Variants in TRMO observed in about 807,000 individuals in gnomAD.
TRMO encodes tRNA (adenine(37)-N6)-methyltransferase.
In TRMO, 30 loss-of-function variants were observed where a neutral mutation model predicts 37.2. That is an observed-to-expected ratio of 0.81 (90% CI 0.60 to 1.09). The LOEUF (loss-of-function observed/expected upper bound fraction) is 1.09. TRMO is among the 50% of genes least tolerant of loss of function. The pLI is 0.00. For synonymous variants in TRMO, 239 were observed against 199.4 expected (o/e 1.20, Z -1.67); for missense variants, 552 against 549.5 (o/e 1.00, Z -0.05).
intron 1 of TRMO, among the ~76,000 whole-genome samples, chr9:97,917,723 G>C (rs1826435628): frequency 6.6e-6 from 1 of 152,024 alleles, no homozygotes; most frequent in African/African-American, 2.4e-5. Context: ...CTGTTGCCCA[G>C]ACTGGAGTGC....
At chr9:97,901,904 A>G (rs975684100), downstream of TRMO, among the ~76,000 whole-genome samples, 4 of 152,198 alleles carry the variant, frequency 2.6e-5, no homozygotes, top group Non-Finnish European at 4.4e-5. Flanking sequence ...CTCACAAAGG[A>G]CACTTGAAGT....
At chr9:97,900,461 T>C (rs1204070304), downstream of TRMO, among the ~76,000 whole-genome samples, 3 of 152,240 alleles carry the variant, frequency 2.0e-5, no homozygotes, top group African/African-American at 7.2e-5. Context: ...CTTATTCCCC[T>C]GTGCATTCTT....
downstream of TRMO, among the ~76,000 whole-genome samples, chr9:97,903,872 T>C (rs1042647651): frequency 1.3e-5 from 2 of 152,106 alleles, no homozygotes; most frequent in Non-Finnish European, 2.9e-5. Context: ...GGTGGGTGGA[T>C]CACGAGGTCA....
intron 1 of TRMO, among the ~76,000 whole-genome samples, chr9:97,920,254 T>C (rs1363721930): frequency 6.6e-6 from 1 of 152,174 alleles, no homozygotes; most frequent in Non-Finnish European, 1.5e-5. Context: ...AAATCAACAA[T>C]TCTAGCTAGG....
downstream of TRMO, among the ~76,000 whole-genome samples, chr9:97,902,665 C>G (rs1466791659): frequency 6.6e-6 from 1 of 152,122 alleles, no homozygotes; most frequent in Non-Finnish European, 1.5e-5. Context: ...ATTTAATAGT[C>G]CTCTTGTTAT....
At chr9:97,916,959 C>T (rs950201585) in intron 1 of TRMO, among the ~76,000 whole-genome samples, 1 of 151,724 alleles carries the variant, frequency 6.6e-6, no homozygotes, top group African/African-American at 2.4e-5. Context: ...CCACCTTGAC[C>T]TCCCAAAGTG....
intron 1 of TRMO, 89 bp downstream of exon 1, chr9:97,922,329 T>C: frequency 2.4e-6 from 2 of 850,028 alleles, no homozygotes; most frequent in South Asian, 3.0e-5. Flanking sequence ...CAGTTCCAGA[T>C]CGTGCGTTTT....
At chr9:97,921,357 A>C (rs1393454659) in intron 1 of TRMO, among the ~76,000 whole-genome samples, 1 of 152,154 alleles carries the variant, frequency 6.6e-6, no homozygotes, top group Non-Finnish European at 1.5e-5. Flanking sequence ...GGAGTTTGAG[A>C]CCAGCCTGGG....
In TRMO at chr9:97,910,087, A is replaced by C. The variant is rs1250559931; in HGVS notation, c.939T>G (p.Pro313=). 1 of 1,614,010 alleles carries C rather than the reference A, an allele frequency of 6.2e-7. No homozygotes were observed. Among genetic ancestry groups the C allele is most frequent in the South Asian group, 1.1e-5 (1 of 91,082 alleles). Residue 313 remains proline (P), a synonymous_variant, in exon 4 of 5, where the codon CCT becomes CCG. Transcript: ENST00000375119. ...AETQPMAPHC[P]AGRADGAPRS... ...GGGGAGCTCCATCAGCCCTTCCAGC[A>C]GGGCAGTGAGGGGCCATGGGCTGTG...
downstream of TRMO, among the ~76,000 whole-genome samples, chr9:97,902,251 AG>A (rs1456805805): frequency 1.3e-5 from 2 of 152,364 alleles, no homozygotes; most frequent in Non-Finnish European, 2.9e-5. Flanking sequence ...GAAGAGACTC[AG>A]GAACTGGCAG....
At chr9:97,919,362 GAAAA>G (rs1031619832) in intron 1 of TRMO, among the ~76,000 whole-genome samples, 1 of 76,552 alleles carries the variant, frequency 1.3e-5, no homozygotes, top group Admixed American at 1.3e-4. Flanking sequence ...ACAAAGAGAA[GAAAA>G]AAAAAAGAAA....
chr9:97,904,864 A>T lies in TRMO; in HGVS notation c.1195T>A (p.Phe399Ile). ...RKLCQDRLFY[F>I]TVDIAHVTCW... ...GTGACATGCGCTATGTCTACAGTAA[A>T]GTAGAAAAGGCGGTCCTGGCAAAGC... The change falls in exon 5 of 5, where the codon TTT becomes ATT. Residue 399 changes from phenylalanine to isoleucine, a missense_variant. Physicochemically the swap from Phe to Ile is conservative, Grantham distance 21. Transcript: ENST00000375119. The T allele has an allele frequency of 6.2e-7, 1 of 1,614,248 alleles. No homozygotes were observed. The highest frequency in any genetic ancestry group is 8.5e-7 in the Non-Finnish European group (1 of 1,180,046).
At chr9:97,906,918 CAAT>C (rs1732143123) in intron 4 of TRMO, among the ~76,000 whole-genome samples, 1 of 151,354 alleles carries the variant, frequency 6.6e-6, no homozygotes, top group Admixed American at 6.6e-5. Context: ...TTGCATTAGA[CAAT>C]AACCACAGGA....
At chr9:97,909,459 G>A (rs1037086020) in intron 4 of TRMO, among the ~76,000 whole-genome samples, 7 of 152,210 alleles carry the variant, frequency 4.6e-5, no homozygotes, top group African/African-American at 1.7e-4. Context: ...GTGGGACTTT[G>A]TTGGGGCAAG....
At chr9:97,909,612 G>T (rs1233498578) in intron 4 of TRMO, among the ~76,000 whole-genome samples, 1 of 152,158 alleles carries the variant, frequency 6.6e-6, no homozygotes, top group South Asian at 2.1e-4. Context: ...AAAACTTTAT[G>T]TACATAAGTA....
intron 2 of TRMO, among the ~76,000 whole-genome samples, chr9:97,915,419 A>G (rs1458117956): frequency 1.3e-5 from 2 of 152,220 alleles, no homozygotes; most frequent in African/African-American, 4.8e-5. Flanking sequence ...GCCACAAACA[A>G]TACTTAAACA....
downstream of TRMO, among the ~76,000 whole-genome samples, chr9:97,899,623 C>T (rs182149952): frequency 4.6e-5 from 7 of 152,130 alleles, no homozygotes; most frequent in East Asian, 7.7e-4. Flanking sequence ...CGGTGGCTCA[C>T]GCCTGTAATC....
At chr9:97,899,696 G>A (rs1358687268), downstream of TRMO, among the ~76,000 whole-genome samples, 1 of 152,092 alleles carries the variant, frequency 6.6e-6, no homozygotes, top group Non-Finnish European at 1.5e-5. Flanking sequence ...TACCAGCCTG[G>A]GCAACATGGC....
intron 1 of TRMO, among the ~76,000 whole-genome samples, chr9:97,917,576 C>T (rs1307922825): frequency 6.6e-6 from 1 of 151,882 alleles, no homozygotes; most frequent in Non-Finnish European, 1.5e-5. Flanking sequence ...TAATATAATC[C>T]CACTTATGGA....
Sources: allele counts gnomAD v4.1 joint callset (sites outside exome capture counted in the v4.1 genomes callset), GRCh38; gene constraint gnomAD v4.1.1; transcripts MANE v1.5; gene names NCBI Gene and HGNC (gene_info 2026-07-23, HGNC 2026-07-21).